The following KIRREL3 variants were observed in gnomAD, a reference collection of about 807,000 sequenced individuals.
KIRREL3 encodes kirre like nephrin family adhesion molecule 3.
KIRREL3 carries 36 observed loss-of-function variants against 89.7 expected under a neutral mutation model. That is an observed-to-expected ratio of 0.40 (90% CI 0.31 to 0.53). The LOEUF is 0.53. Ranked by LOEUF, KIRREL3 falls within the 20% of genes least tolerant of loss-of-function variation. KIRREL3 has a pLI of 0.49. For missense variants in KIRREL3, 864 were observed against 1,056.6 expected, an observed-to-expected ratio of 0.82 and a Z score of 2.53; for synonymous variants, 445 against 441.4, an observed-to-expected ratio of 1.01 and a Z score of -0.10.
rs1239599033 is a variant in KIRREL3 at position 126,676,881 on chromosome 11, C to T, written c.56-113969G>A. Among the ~76,000 whole-genome samples, 1 of 151,946 alleles carries T rather than the reference C, an allele frequency of 6.6e-6. No homozygotes were observed. The highest frequency in any genetic ancestry group is 1.5e-5 in the Non-Finnish European group (1 of 67,996). Reference sequence around the variant, plus strand: ...GTCACCGCAGCCTCGATCTCCCAGGCTCAAGCGGTCGTCCTGCCTAAACCT... The same window carrying T: ...GTCACCGCAGCCTCGATCTCCCAGGTTCAAGCGGTCGTCCTGCCTAAACCT... On this transcript the variant is annotated intron_variant, in intron 1 of 16. Transcript: ENST00000525144. The surrounding 1 kb of genome is among the most constrained non-coding windows in gnomAD (Gnocchi z 4.5).
chr11:126,584,427 T>C (rs554379609), intron 1 of KIRREL3, among the ~76,000 whole-genome samples: 21 of 152,332 alleles, frequency 1.4e-4, no homozygotes, highest in African/African-American at 4.8e-4. Flanking sequence ...CTCCTCACTC[T>C]CCTGGACTCT....
intron 7 of KIRREL3, among the ~76,000 whole-genome samples, chr11:126,451,218 GGT>G (rs757905732): frequency 2.9e-5 from 4 of 139,446 alleles, no homozygotes; most frequent in Non-Finnish European, 4.7e-5. Flanking sequence ...TGCATGTGTG[GGT>G]GTGTGTATGC....
In KIRREL3 at chr11:126,503,292, C is replaced by A. The variant is rs1957921316; in HGVS notation, c.433+18023G>T. Among the ~76,000 whole-genome samples, 3 of 152,078 alleles carry A rather than the reference C, an allele frequency of 2.0e-5. No individual in the cohort carries two copies. In the South Asian group the frequency reaches 6.2e-4, roughly 32 times the overall value. On this transcript the variant is annotated intron_variant, in intron 4 of 16. Transcript: ENST00000525144. ...CCAAAGGCAGCAATGGAGTAGGGGGCAGGTGGCTGTTAAGGTGGATGTGGG... is the reference window on the plus strand; with the variant it reads ...CCAAAGGCAGCAATGGAGTAGGGGGAAGGTGGCTGTTAAGGTGGATGTGGG...
rs1462482330 is a variant in KIRREL3, at chr11:126,734,742, G to T, written c.56-171830C>A. ...TAAAGGAGACTGTGTGATATGGTCA[G>T]TAACAGAGTGTGTCAAAGTGCTAAG... On this transcript the variant is annotated intron_variant, in intron 1 of 16. Coordinates refer to ENST00000525144, the MANE Select transcript of KIRREL3 (RefSeq NM_032531.4). This position sits in a 1 kb window ranked among gnomAD's most constrained non-coding sequence, Gnocchi z 5.9. Among the ~76,000 whole-genome samples the T allele has an allele frequency of 6.6e-6, 1 of 152,218 alleles. No homozygotes were observed. The highest frequency in any genetic ancestry group is 1.5e-5 in the Non-Finnish European group (1 of 68,038).
intron 6 of KIRREL3, among the ~76,000 whole-genome samples, chr11:126,457,550 A>G (rs1956412686): frequency 7.2e-6 from 1 of 138,714 alleles, no homozygotes; most frequent in South Asian, 2.3e-4. Context: ...GAGAGAGACA[A>G]AGATGAGGAA....
rs1348314998 is a variant in KIRREL3 at position 126,471,097 on chromosome 11, C to T, written c.591+2212G>A. ...TTGCGGCCGGGCGCAGTGGCTCAGT[C>T]CTGTAATCCCAGCACTTTGGGAGGC... On this transcript the variant is annotated intron_variant, in intron 5 of 16. Coordinates refer to ENST00000525144, the MANE Select transcript of KIRREL3 (RefSeq NM_032531.4). The surrounding 1 kb of genome is among the most constrained non-coding windows in gnomAD (Gnocchi z 5.4). Among the ~76,000 whole-genome samples the T allele has an allele frequency of 6.6e-6, 1 of 152,152 alleles. No homozygotes were observed. The highest frequency in any genetic ancestry group is 1.5e-5 in the Non-Finnish European group (1 of 68,024).
intron 1 of KIRREL3, among the ~76,000 whole-genome samples, chr11:126,749,554 C>T (rs1172308995): frequency 1.3e-5 from 2 of 152,038 alleles, no homozygotes; most frequent in Non-Finnish European, 2.9e-5. Context: ...AAGAGCATCT[C>T]TAAAGGAAAT....
Position 126,651,916 on chromosome 11 carries a change from C to T in KIRREL3, c.56-89004G>A, listed in dbSNP as rs1247295525. Among the ~76,000 whole-genome samples the T allele has an allele frequency of 6.6e-6, 1 of 152,114 alleles. No individual in the cohort carries two copies. Among genetic ancestry groups the T allele is most frequent in the Non-Finnish European group, 1.5e-5 (1 of 68,018 alleles). On this transcript the variant is annotated intron_variant, in intron 1 of 16. Transcript: ENST00000525144. This position sits in a 1 kb window ranked among gnomAD's most constrained non-coding sequence, Gnocchi z 4.6. ...GGTAATAACAGGTCTAATCATGACA[C>T]CTCCATAAAGTCATGGGAAGTCCCT...
In KIRREL3 at chr11:126,587,760, G is replaced by A. The variant is rs1314889309; in HGVS notation, c.56-24848C>T. On this transcript the variant is annotated intron_variant, in intron 1 of 16. Transcript: ENST00000525144. The surrounding 1 kb of genome is among the most constrained non-coding windows in gnomAD (Gnocchi z 5.2). ...CAATATATGTGAATGATTAGGTTGT[G>A]TAATACATTCCAGCAAATTTAGATT... Among the ~76,000 whole-genome samples the A allele has an allele frequency of 2.0e-5, 3 of 152,214 alleles. No homozygotes were observed. In the South Asian group the frequency reaches 6.2e-4, roughly 32 times the overall value.
At chr11:126,809,919 C>T (rs948501801) in intron 1 of KIRREL3, among the ~76,000 whole-genome samples, 11 of 152,190 alleles carry the variant, frequency 7.2e-5, no homozygotes, top group African/African-American at 1.9e-4. Flanking sequence ...TTTTGGCAAA[C>T]GAGGTTGTCC....
chr11:126,895,291 C>A (rs928096477), intron 1 of KIRREL3, among the ~76,000 whole-genome samples: 1 of 151,562 alleles, frequency 6.6e-6, no homozygotes, highest in Non-Finnish European at 1.5e-5. Context: ...GGTGAAACCC[C>A]GTCTCTACTA....
Position 126,833,307 on chromosome 11 carries a change from G to T in KIRREL3, c.55+167148C>A, listed in dbSNP as rs570363145. ...AGGCACACCCACACATTACAAAAAG[G>T]CACACACAAGTGCAAGTTAAAATAA... is the stretch of plus-strand genomic sequence containing the variant. On this transcript the variant is annotated intron_variant, in intron 1 of 16. Transcript: ENST00000525144. Among the ~76,000 whole-genome samples, 6 of 152,170 alleles carry T rather than the reference G, an allele frequency of 3.9e-5. No individual in the cohort carries two copies. In the South Asian group the frequency reaches 8.3e-4, roughly 21 times the overall value.
rs975399742 is a variant in KIRREL3 at position 126,622,684 on chromosome 11, T to C, written c.56-59772A>G. Among the ~76,000 whole-genome samples the C allele has an allele frequency of 2.0e-5, 3 of 152,248 alleles. No homozygotes were observed. Among genetic ancestry groups the C allele is most frequent in the Admixed American group, 6.5e-5 (1 of 15,290 alleles). ...AGCCTGGGCGACAAGAGCGAAACTC[T>C]GTCTCAAAAAACAAAAAAACAAATA... On this transcript the variant is annotated intron_variant, in intron 1 of 16. Transcript: ENST00000525144. The surrounding 1 kb of genome is among the most constrained non-coding windows in gnomAD (Gnocchi z 5.2).
Position 126,755,184 on chromosome 11 carries a change from C to T in KIRREL3, c.56-192272G>A, listed in dbSNP as rs1161284514. Among the ~76,000 whole-genome samples, 1 of 152,146 alleles carries T rather than the reference C, an allele frequency of 6.6e-6. No individual in the cohort carries two copies. The highest frequency in any genetic ancestry group is 1.9e-4 in the East Asian group (1 of 5,200). ...GTAGTAAGTCAATAAGTCTGTGGCCCAAAGGTAGGGCATTAAGTAACCAGA... is the reference window on the plus strand; with the variant it reads ...GTAGTAAGTCAATAAGTCTGTGGCCTAAAGGTAGGGCATTAAGTAACCAGA... On this transcript the variant is annotated intron_variant, in intron 1 of 16. Coordinates refer to ENST00000525144, the MANE Select transcript of KIRREL3 (RefSeq NM_032531.4). This position sits in a 1 kb window ranked among gnomAD's most constrained non-coding sequence, Gnocchi z 4.3.
At chr11:126,961,133 A>G (rs970840559) in intron 1 of KIRREL3, among the ~76,000 whole-genome samples, 6 of 152,222 alleles carry the variant, frequency 3.9e-5, no homozygotes, top group Non-Finnish European at 8.8e-5. Flanking sequence ...AGACACAACT[A>G]TATTGAAATT....
At chr11:126,446,226 GA>G (rs1476729742) in intron 9 of KIRREL3, among the ~76,000 whole-genome samples, 1 of 151,510 alleles carries the variant, frequency 6.6e-6, no homozygotes, top group Admixed American at 6.6e-5. Context: ...TTATTTGGGG[GA>G]AGTTTAAAAG....
rs949243895 is a variant in KIRREL3, at chr11:126,553,146, A to G, written c.133+9689T>C. ...CAATAGCCTGTTGTATTTCTCTATC[A>G]AATTCTTACTCTAAGGAGATCTCTC... is the stretch of plus-strand genomic sequence containing the variant. On this transcript the variant is annotated intron_variant, in intron 2 of 16. Coordinates refer to ENST00000525144, the MANE Select transcript of KIRREL3 (RefSeq NM_032531.4). This position sits in a 1 kb window ranked among gnomAD's most constrained non-coding sequence, Gnocchi z 4.7. Among the ~76,000 whole-genome samples, 1 of 152,194 alleles carries G rather than the reference A, an allele frequency of 6.6e-6. No individual in the cohort carries two copies. Among genetic ancestry groups the G allele is most frequent in the Non-Finnish European group, 1.5e-5 (1 of 68,034 alleles).
chr11:126,452,085 G>A (rs1284894370), intron 7 of KIRREL3, among the ~76,000 whole-genome samples: 4 of 152,064 alleles, frequency 2.6e-5, no homozygotes, highest in African/African-American at 9.7e-5. Context: ...CCCGAGAGAC[G>A]ACTGTTTCTT....
At chr11:126,458,977 C>T (rs1014011386) in intron 6 of KIRREL3, among the ~76,000 whole-genome samples, 2 of 152,152 alleles carry the variant, frequency 1.3e-5, no homozygotes, top group Non-Finnish European at 2.9e-5. Flanking sequence ...GTCCGTGGGA[C>T]CCTACCTAGA....
Sources: allele counts gnomAD v4.1 joint callset (sites outside exome capture counted in the v4.1 genomes callset), GRCh38; gene constraint gnomAD v4.1.1; non-coding constraint Gnocchi (gnomAD v3.1); transcripts MANE v1.5; gene names NCBI Gene and HGNC (gene_info 2026-07-23, HGNC 2026-07-21).